PCDHA8: variants seen among roughly 807,000 people sequenced by gnomAD.
PCDHA8 encodes the protein protocadherin alpha-8.
PCDHA8 carries 53 observed loss-of-function variants against 61.8 expected under a neutral mutation model. That is an observed-to-expected ratio of 0.86 (90% CI 0.69 to 1.08). The LOEUF (loss-of-function observed/expected upper bound fraction) is 1.08, where lower values mean the gene tolerates loss of function less well. Ranked by LOEUF, PCDHA8 falls within the 50% of genes least tolerant of loss-of-function variation. The pLI, the probability that PCDHA8 is intolerant of heterozygous loss-of-function variation, is 0.00. For missense variants in PCDHA8, 1,293 were observed against 1,245.0 expected, an observed-to-expected ratio of 1.04 and a Z score of -0.58; for synonymous variants, 618 against 556.6, an observed-to-expected ratio of 1.11 and a Z score of -1.55.
At chr5:140,988,026 T>A (rs1405610277) in intron 3 of PCDHA8, among the ~76,000 whole-genome samples, 1 of 152,152 alleles carries the variant, frequency 6.6e-6, no homozygotes, top group Non-Finnish European at 1.5e-5. Context: ...GATTCTTAAG[T>A]TTTTTAGAAT....
intron 1 of PCDHA8, among the ~76,000 whole-genome samples, chr5:140,937,783 G>A (rs1554211789): frequency 6.7e-6 from 1 of 150,256 alleles, no homozygotes; most frequent in African/African-American, 2.5e-5. Context: ...GTGGTGGCGG[G>A]CGTATGTAGT....
At chr5:140,848,630 G>T in intron 1 of PCDHA8, 1 of 1,593,376 alleles carries the variant, frequency 6.3e-7, no homozygotes, top group Non-Finnish European at 8.6e-7. Flanking sequence ...GCACCTTCGT[G>T]GGCCGCATCG....
intron 1 of PCDHA8, chr5:140,928,931 A>G: frequency 1.9e-6 from 3 of 1,614,150 alleles, no homozygotes; most frequent in Non-Finnish European, 2.5e-6. Flanking sequence ...CTTTCTGCCC[A>G]GAACTTGTAT....
chr5:140,982,506 C>G lies in PCDHA8; in HGVS notation c.2485C>G (p.Arg829Gly). The change falls in exon 3 of 4, where the codon CGG (arginine) becomes GGG (glycine). Residue 829 changes from arginine to glycine, a missense_variant. Transcript: ENST00000531613. ...SVHLEEAGIL[R>G]AGPGGPDQQW... Reference sequence around the variant, plus strand: ...GCACCTAGAGGAGGCTGGCATTCTACGGGCTGGTCCAGGAGGGCCTGATCA... The same window carrying G: ...GCACCTAGAGGAGGCTGGCATTCTAGGGGCTGGTCCAGGAGGGCCTGATCA... 6.2e-7 allele frequency: 1 copy of G among 1,614,162 alleles called. No homozygotes were observed. Among genetic ancestry groups the G allele is most frequent in the Non-Finnish European group, 8.5e-7 (1 of 1,180,032 alleles).
At chr5:140,848,934 C>A in intron 1 of PCDHA8, 1 of 1,607,578 alleles carries the variant, frequency 6.2e-7, no homozygotes, top group Non-Finnish European at 8.5e-7. Context: ...GGAATCCAGG[C>A]CGCTTGACTC....
chr5:140,858,857 T>C, intron 1 of PCDHA8: 1 of 267,758 alleles, frequency 3.7e-6, no homozygotes, highest in South Asian at 4.6e-5. Flanking sequence ...CTATATCTCT[T>C]CAGTGAAAAT....
At chr5:140,969,473 A>C (rs562575347) in intron 1 of PCDHA8, 2 of 1,478,208 alleles carry the variant, frequency 1.4e-6, no homozygotes, top group South Asian at 2.8e-5. Context: ...CCACAATTTG[A>C]TCATAATCTG....
At chr5:140,920,294 A>T (rs1554199563) in intron 1 of PCDHA8, among the ~76,000 whole-genome samples, 9 of 152,206 alleles carry the variant, frequency 5.9e-5, no homozygotes. Context: ...TTTTAGAGGC[A>T]CTAAGAGAAA....
rs147219331 is a variant in PCDHA8, at chr5:140,927,900, T to C, written c.2395-51049T>C. On this transcript the variant is annotated intron_variant, in intron 1 of 3. Transcript: ENST00000531613. Reference sequence around the variant, plus strand: ...TGGAGGTGACTGACGTGAACGATCATGCCCCCGAACTGGACTTCCTGACTC... The same window carrying C: ...TGGAGGTGACTGACGTGAACGATCACGCCCCCGAACTGGACTTCCTGACTC... 2,142 of 1,614,232 alleles carry C rather than the reference T, an allele frequency of 1.3e-3. 2 individuals are homozygous for C. The highest frequency in any genetic ancestry group is 1.7e-3 in the Non-Finnish European group (2,053 of 1,180,040).
rs1554140071 is a variant in PCDHA8, at chr5:140,843,431, A to G, written c.2110A>G (p.Ile704Val). 1.9e-6 allele frequency: 3 copies of G among 1,596,040 alleles called. No individual in the cohort carries two copies. Among genetic ancestry groups the G allele is most frequent in the South Asian group, 1.1e-5 (1 of 90,512 alleles). The change falls in exon 1 of 4, where the codon ATC becomes GTC. Residue 704 changes from isoleucine to valine, a missense_variant. By Grantham distance (29) the Ile-to-Val change is conservative. Transcript: ENST00000531613. ...VDVNVYLIIA[I>V]CAVSSLLVLT... ...TGTCAACGTGTACCTGATCATCGCC[A>G]TCTGCGCGGTATCCAGCCTGCTGGT...
chr5:140,841,972 G>A lies in PCDHA8; in HGVS notation c.651G>A (p.Gly217=). 1 of 1,613,874 alleles carries A rather than the reference G, an allele frequency of 6.2e-7. No individual in the cohort carries two copies. Among genetic ancestry groups the A allele is most frequent in the East Asian group, 2.2e-5 (1 of 44,884 alleles). Residue 217 remains glycine, a synonymous_variant, in exon 1 of 4, where the codon GGG becomes GGA. Transcript: ENST00000531613. ...ACTTATTCCTGACAGCCACAGATGG[G>A]GGCAAACCTGAGCTCACAGGCACTG... ...AHHLFLTATD[G]GKPELTGTVQ... is the part of the protein sequence containing the mutation.
At chr5:140,870,992 T>G (rs782714479) in intron 1 of PCDHA8, 3 of 1,613,478 alleles carry the variant, frequency 1.9e-6, no homozygotes, top group Non-Finnish European at 2.5e-6. Flanking sequence ...ACGGGCGAGA[T>G]AAGCACAACG....
At chr5:140,872,610 T>C (rs1270918795) in intron 1 of PCDHA8, among the ~76,000 whole-genome samples, 2 of 152,146 alleles carry the variant, frequency 1.3e-5, no homozygotes, top group Non-Finnish European at 2.9e-5. Context: ...AAAATAATTT[T>C]TTTTGCCTGT....
chr5:141,007,654 C>G (rs1461130528), intron 3 of PCDHA8, among the ~76,000 whole-genome samples: 1 of 152,052 alleles, frequency 6.6e-6, no homozygotes, highest in Non-Finnish European at 1.5e-5. Flanking sequence ...CCTAAAAAAC[C>G]ATAAATTTAC....
chr5:140,938,944 A>G (rs551824557), intron 1 of PCDHA8, among the ~76,000 whole-genome samples: 2 of 152,236 alleles, frequency 1.3e-5, no homozygotes, highest in South Asian at 2.1e-4. Context: ...TTCCATTCTT[A>G]TAATGCTCTA....
intron 1 of PCDHA8, chr5:140,857,508 C>A: frequency 6.3e-7 from 1 of 1,598,226 alleles, no homozygotes; most frequent in African/African-American, 1.3e-5. Flanking sequence ...CAGGAGAACG[C>A]CCTGGTGTCC....
intron 3 of PCDHA8, among the ~76,000 whole-genome samples, chr5:141,006,790 T>A (rs1318848521): frequency 6.6e-6 from 1 of 152,130 alleles, no homozygotes; most frequent in African/African-American, 2.4e-5. Context: ...AATAATTAGC[T>A]TTGAACTTTC....
chr5:140,941,191 TTTTCTTTCTTCCTTTCTTTCTTCC>T (rs1293685535), intron 1 of PCDHA8, among the ~76,000 whole-genome samples: 31 of 93,206 alleles, frequency 3.3e-4, no homozygotes, highest in African/African-American at 1.1e-3. Context: ...GCTTCTTTTT[TTTTCTTTCTTCCTTTCTTTCTTCC>T]TTTCTTTCTT....
chr5:140,850,112 C>T lies in PCDHA8; in HGVS notation c.2394+6397C>T, dbSNP rs2150468097. On this transcript the variant is annotated intron_variant, in intron 1 of 3. Coordinates refer to ENST00000531613, the MANE Select transcript of PCDHA8 (RefSeq NM_018911.3). ...TACAGTTCCAGGTGAGCGCGCGCGA[C>T]GCGGGCGTGCCGCCTCTGGGCAGCA... 91 of 1,595,906 alleles carry T rather than the reference C, an allele frequency of 5.7e-5. 9 individuals are homozygous for T. The highest frequency in any genetic ancestry group is 5.9e-5 in the Non-Finnish European group (69 of 1,167,846).
Sources: gnomAD v4.1 joint callset for allele counts (sites outside exome capture counted in the v4.1 genomes callset) on GRCh38, gnomAD v4.1.1 for gene constraint, MANE v1.5 for transcripts, NCBI Gene and HGNC (gene_info 2026-07-23, HGNC 2026-07-21) for gene names.